The following ITGAE variants were observed in gnomAD, a reference collection of about 807,000 sequenced individuals.
The protein encoded by ITGAE is integrin subunit alpha E, also known as integrin alpha-E.
Under a neutral mutation model 136.5 loss-of-function variants are expected in ITGAE, and 99 were observed. The observed-to-expected ratio is 0.73, with a 90% confidence interval of 0.62 to 0.86. The LOEUF (loss-of-function observed/expected upper bound fraction) is 0.86, where lower values mean the gene tolerates loss of function less well. ITGAE is among the 40% of genes least tolerant of loss of function. The pLI is 0.00. For missense variants in ITGAE, 1,447 were observed against 1,515.3 expected, an observed-to-expected ratio of 0.95 and a Z score of 0.75; for synonymous variants, 613 against 591.8, an observed-to-expected ratio of 1.04 and a Z score of -0.52.
rs752399520 is a variant in ITGAE, at chr17:3,727,923, G to A, written c.3080C>T (p.Thr1027Ile). Residue 1027 changes from threonine to isoleucine, a missense_variant, in exon 26 of 31, where the codon ACT (threonine) becomes ATT (isoleucine). Around this residue, in one of 3 missense-constraint regions of ITGAE, gnomAD observed 1,031 missense variants for 1,011.4 expected, o/e 1.02. Coordinates refer to ENST00000263087, the MANE Select transcript of ITGAE (RefSeq NM_002208.5). ...TAAAGAACTGCCTTTAAATACCTGA[G>A]TCCTCGTCAGCTTCTTCACTGCTAC... is the stretch of plus-strand genomic sequence containing the variant. ...QVVAVKKLTR[T>I]QASTVCTWSQ... The A allele has an allele frequency of 6.2e-7, 1 of 1,604,752 alleles. No homozygotes were observed. The highest frequency in any genetic ancestry group is 1.1e-5 in the South Asian group (1 of 90,956).
At chr17:3,746,364 A>G (rs925538179) in intron 17 of ITGAE, among the ~76,000 whole-genome samples, 1 of 152,102 alleles carries the variant, frequency 6.6e-6, no homozygotes, top group African/African-American at 2.4e-5. Context: ...GAACCAGCTC[A>G]GCTAGGGAGA....
At chr17:3,790,593 T>C (rs994302674) in intron 1 of ITGAE, among the ~76,000 whole-genome samples, 6 of 151,756 alleles carry the variant, frequency 4.0e-5, no homozygotes, top group African/African-American at 1.5e-4. Context: ...CTGCTTAGAG[T>C]GTGCTCGCCA....
intron 18 of ITGAE, 126 bp downstream of exon 18, chr17:3,745,638 G>C: frequency 1.1e-6 from 1 of 952,276 alleles, no homozygotes; most frequent in Non-Finnish European, 1.6e-6. Flanking sequence ...CACCGTGCCT[G>C]GCCTGTTATG....
At chr17:3,769,030 C>T in intron 2 of ITGAE, among the ~76,000 whole-genome samples, 1 of 152,144 alleles carries the variant, frequency 6.6e-6, no homozygotes, top group East Asian at 1.9e-4. Flanking sequence ...GCTTCCTTAG[C>T]AACCCTGCCT....
In ITGAE at chr17:3,721,312, C is replaced by G. The variant is rs2051047016; in HGVS notation, c.3238-910G>C. ...TTTGAGACAAGGTCTCACTCTGTTACTCGGGCCGGAATGGAGTGGCTCAAT... is the reference window on the plus strand; with the variant it reads ...TTTGAGACAAGGTCTCACTCTGTTAGTCGGGCCGGAATGGAGTGGCTCAAT... On this transcript the variant is annotated intron_variant, in intron 28 of 30. Transcript: ENST00000263087. 1.6e-5 allele frequency among the ~76,000 whole-genome samples: 2 copies of G among 128,382 alleles called. 1 individual carries two copies. The highest frequency in any genetic ancestry group is 5.5e-5 in the African/African-American group (2 of 36,136). The allele number at this position is 128,382 out of a possible 152,430, so 84.2% of individuals were successfully genotyped here.
At chr17:3,768,344 C>T (rs755931821) in intron 2 of ITGAE, among the ~76,000 whole-genome samples, 24 of 152,070 alleles carry the variant, frequency 1.6e-4, no homozygotes, top group Non-Finnish European at 2.4e-4. Context: ...AGGCTAGTCT[C>T]GAACTCCTGG....
intron 2 of ITGAE, among the ~76,000 whole-genome samples, chr17:3,771,856 T>A (rs566920048): frequency 6.6e-6 from 1 of 152,256 alleles, no homozygotes; most frequent in South Asian, 2.1e-4. Flanking sequence ...TTCTTCTGTA[T>A]GGCACATGTT....
chr17:3,742,462 T>G (rs1184381480), intron 19 of ITGAE, among the ~76,000 whole-genome samples: 1 of 150,188 alleles, frequency 6.7e-6, no homozygotes, highest in Non-Finnish European at 1.5e-5. Flanking sequence ...TGTGGTTTTT[T>G]TTTTTTTTTT....
intron 2 of ITGAE, among the ~76,000 whole-genome samples, chr17:3,775,205 C>A (rs1308431716): frequency 6.6e-6 from 1 of 152,162 alleles, no homozygotes; most frequent in Non-Finnish European, 1.5e-5. Flanking sequence ...CCCGCCTTGA[C>A]CTCCCAAAGT....
chr17:3,734,697 T>C, intron 21 of ITGAE, 120 bp downstream of exon 21: 2 of 1,215,950 alleles, frequency 1.6e-6, no homozygotes, highest in South Asian at 2.7e-5. Flanking sequence ...AACCATCTGT[T>C]GGTTGGACCA....
At chr17:3,741,068 G>GTTTTTTTTT (rs1447955211) in intron 19 of ITGAE, among the ~76,000 whole-genome samples, 2 of 110,512 alleles carry the variant, frequency 1.8e-5, no homozygotes, top group African/African-American at 6.7e-5. Flanking sequence ...GTTTTTTGTT[G>GTTTTTTTTT]TATTTTTTTT....
chr17:3,751,688 T>C lies in ITGAE; in HGVS notation c.1855A>G (p.Asn619Asp), dbSNP rs1218632515. Residue 619 changes from asparagine to aspartate, a missense_variant, in exon 15 of 31, where the codon AAT (asparagine) becomes GAT (aspartate). Asn to Asp is a conservative substitution (Grantham distance 23, BLOSUM62 1). Around this residue, in one of 3 missense-constraint regions of ITGAE, gnomAD observed 1,031 missense variants for 1,011.4 expected, o/e 1.02. Coordinates refer to ENST00000263087, the MANE Select transcript of ITGAE (RefSeq NM_002208.5). The part of the protein sequence containing the change: ...GASFGSVYIY[N>D]GHWDGLSASP... ...GCGGAGAGGCCGTCCCAGTGTCCAT[T>C]GTAGATATACACACTGCCGAAGCTG... is the stretch of plus-strand genomic sequence containing the variant. 2.5e-6 allele frequency: 4 copies of C among 1,613,936 alleles called. No individual in the cohort carries two copies. In the South Asian group the frequency reaches 3.3e-5, roughly 13 times the overall value.
chr17:3,725,586 A>C, intron 26 of ITGAE: 1 of 1,614,222 alleles, frequency 6.2e-7, no homozygotes, highest in South Asian at 1.1e-5. Context: ...TGAAGTGTGC[A>C]ACCGCACAGA....
intron 26 of ITGAE, chr17:3,726,072 G>A (rs747675114): frequency 3.1e-5 from 50 of 1,614,160 alleles, no homozygotes; most frequent in Admixed American, 1.8e-4. Flanking sequence ...CCTGTTTACC[G>A]GTGACGGTGA....
chr17:3,764,736 G>C (rs555451926), intron 2 of ITGAE, among the ~76,000 whole-genome samples: 1 of 152,114 alleles, frequency 6.6e-6, no homozygotes, highest in Non-Finnish European at 1.5e-5. Context: ...AGGTTTGGGG[G>C]TGGCTGCCTC....
chr17:3,714,882 G>A lies in ITGAE; in HGVS notation c.3505C>T (p.Leu1169=). ...LNLESIRKAQ[L]KSENLLEEEN ...TCTTCGAGCAGATTCTCTGATTTCA[G>A]CTGGGCCTTCCTGATGCTCTCCAAG... is the stretch of plus-strand genomic sequence containing the variant. The change falls in exon 31 of 31, where the codon CTG becomes TTG. Residue 1169 remains leucine (L), a synonymous_variant. Transcript: ENST00000263087. The A allele has an allele frequency of 6.2e-7, 1 of 1,611,024 alleles. No individual in the cohort carries two copies. The highest frequency in any genetic ancestry group is 8.5e-7 in the Non-Finnish European group (1 of 1,178,232).
chr17:3,717,951 C>G (rs183726940), intron 29 of ITGAE: 7 of 152,288 alleles, frequency 4.6e-5, no homozygotes, highest in African/African-American at 1.7e-4. Flanking sequence ...GGAAACAGGC[C>G]AGATGTGAGT....
chr17:3,724,012 G>A (rs758634145), intron 26 of ITGAE: 3 of 1,591,438 alleles, frequency 1.9e-6, no homozygotes, highest in East Asian at 2.3e-5. Flanking sequence ...AGACAGCGGC[G>A]GCCGGGCCGG....
rs1368371399 is a variant in ITGAE at position 3,753,598 on chromosome 17, G to T, written c.1528-168C>A. 4.6e-5 allele frequency among the ~76,000 whole-genome samples: 7 copies of T among 152,202 alleles called. No homozygotes were observed. In the South Asian group the frequency reaches 8.3e-4, roughly 18 times the overall value. ...GGAGGAGCAGCCCAGGCCCCACAGCGGAGGAAACTGCCTAGCAATCAGACA... is the reference window on the plus strand; with the variant it reads ...GGAGGAGCAGCCCAGGCCCCACAGCTGAGGAAACTGCCTAGCAATCAGACA... On this transcript the variant is annotated intron_variant, in intron 13 of 30. Transcript: ENST00000263087.
Sources: allele counts gnomAD v4.1 joint callset (sites outside exome capture counted in the v4.1 genomes callset), GRCh38; gene constraint gnomAD v4.1.1; regional missense constraint gnomAD v4.1.1; transcripts MANE v1.5; gene names NCBI Gene and HGNC (gene_info 2026-07-23, HGNC 2026-07-21).